The following ASIC2 variants were observed in gnomAD, a reference collection of about 807,000 sequenced individuals.
The protein encoded by ASIC2 is acid sensing ion channel subunit 2.
ASIC2 carries 25 observed loss-of-function variants against 57.3 expected under a neutral mutation model. The observed-to-expected ratio is 0.44, with a 90% CI of 0.32 to 0.61. ASIC2 has a LOEUF of 0.61. Among genes scored for constraint, ASIC2 ranks in the 20% least tolerant of loss-of-function variants. The probability of loss-of-function intolerance (pLI) is 0.06; values close to 1 mark genes in which losing one functional copy is unlikely to be tolerated. For synonymous variants in ASIC2, 319 were observed against 307.5 expected (o/e 1.04, Z -0.39); for missense variants, 641 against 738.1 (o/e 0.87, Z 1.52).
chr17:33,514,637 G>A (rs146226424), intron 1 of ASIC2, among the ~76,000 whole-genome samples: 163 of 152,214 alleles, frequency 1.1e-3, no homozygotes, highest in Non-Finnish European at 1.6e-3. Flanking sequence ...CAAGAATTAC[G>A]GATCTTTTTC....
intron 1 of ASIC2, among the ~76,000 whole-genome samples, chr17:33,568,745 G>A (rs1029315833): frequency 1.3e-5 from 2 of 152,272 alleles, no homozygotes; most frequent in Admixed American, 6.5e-5. Context: ...GGGAAGGAAT[G>A]TATTTCACCT....
Position 33,926,054 on chromosome 17 carries a change from T to A in ASIC2, c.555+229924A>T, listed in dbSNP as rs71379428. On this transcript the variant is annotated intron_variant, in intron 1 of 9. Transcript: ENST00000359872. ...AACATTAGTAGATCTCTTGCAGTGA[T>A]GTTTTGGGAGCCCCATAGACTATCA... Among the ~76,000 whole-genome samples, 729 of 152,358 alleles carry A rather than the reference T, an allele frequency of 4.8e-3. 7 individuals are homozygous for A. The highest frequency in any genetic ancestry group is 0.017 in the African/African-American group (687 of 41,580).
At chr17:33,443,873 T>C (rs896020850) in intron 1 of ASIC2, among the ~76,000 whole-genome samples, 2 of 152,206 alleles carry the variant, frequency 1.3e-5, no homozygotes, top group African/African-American at 2.4e-5. Flanking sequence ...TGCAGCTGCT[T>C]ATATCTCTGC....
chr17:33,113,936 C>T (rs990919167), intron 1 of ASIC2, among the ~76,000 whole-genome samples: 1 of 152,198 alleles, frequency 6.6e-6, no homozygotes, highest in Admixed American at 6.5e-5. Context: ...TGGGACACTT[C>T]CTAGCCACAT....
At chr17:33,436,850 CTT>C (rs1911628706) in intron 1 of ASIC2, among the ~76,000 whole-genome samples, 1 of 76,034 alleles carries the variant, frequency 1.3e-5, no homozygotes, top group African/African-American at 4.4e-5. Context: ...CACATTCCAA[CTT>C]CTTTTTTTTT....
intron 1 of ASIC2, among the ~76,000 whole-genome samples, chr17:33,990,927 C>G (rs548926590): frequency 6.6e-6 from 1 of 152,144 alleles, no homozygotes; most frequent in Admixed American, 6.5e-5. Flanking sequence ...CATTCAAAGA[C>G]AAGAAACTCT....
intron 1 of ASIC2, among the ~76,000 whole-genome samples, chr17:33,853,632 C>A (rs1913835726): frequency 6.6e-6 from 1 of 152,140 alleles, no homozygotes; most frequent in Admixed American, 6.5e-5. Context: ...CTGAGGCAAG[C>A]TGAAGGTTCA....
chr17:34,066,524 G>A (rs1218595045), intron 1 of ASIC2, among the ~76,000 whole-genome samples: 3 of 152,182 alleles, frequency 2.0e-5, no homozygotes, highest in Non-Finnish European at 4.4e-5. Context: ...TCATCACTGA[G>A]TGGAGTGCCA....
At chr17:33,389,564 A>G (rs1193780331) in intron 1 of ASIC2, among the ~76,000 whole-genome samples, 3 of 152,244 alleles carry the variant, frequency 2.0e-5, no homozygotes, top group East Asian at 3.8e-4. Flanking sequence ...TGAAAAAACT[A>G]TGAGGCTAGC....
intron 1 of ASIC2, among the ~76,000 whole-genome samples, chr17:33,163,194 G>T (rs899458493): frequency 6.6e-6 from 1 of 152,168 alleles, no homozygotes; most frequent in Non-Finnish European, 1.5e-5. Flanking sequence ...TGTTAGAAAG[G>T]GCTCTCCTAG....
At chr17:33,135,527 AG>A (rs1417309345) in intron 1 of ASIC2, among the ~76,000 whole-genome samples, 1 of 152,126 alleles carries the variant, frequency 6.6e-6, no homozygotes, top group Non-Finnish European at 1.5e-5. Context: ...CTGCCCTGTG[AG>A]GGCATGTAGC....
intron 1 of ASIC2, among the ~76,000 whole-genome samples, chr17:33,436,990 C>A (rs1030283801): frequency 1.3e-5 from 2 of 150,396 alleles, no homozygotes; most frequent in Non-Finnish European, 3.0e-5. Flanking sequence ...CTCAGCCTCC[C>A]GAGTAGCTGG....
chr17:33,840,420 T>C (rs985241726), intron 1 of ASIC2, among the ~76,000 whole-genome samples: 2 of 152,196 alleles, frequency 1.3e-5, no homozygotes, highest in Admixed American at 1.3e-4. Context: ...AAACAGCTTA[T>C]GCTAAGGCAT....
intron 1 of ASIC2, among the ~76,000 whole-genome samples, chr17:33,880,782 C>T (rs567535993): frequency 1.3e-5 from 2 of 152,112 alleles, no homozygotes; most frequent in African/African-American, 2.4e-5. Flanking sequence ...CATCCTGATA[C>T]CAAAGCCTGG....
chr17:34,019,461 C>G (rs1243682102), intron 1 of ASIC2, among the ~76,000 whole-genome samples: 1 of 152,122 alleles, frequency 6.6e-6, no homozygotes, highest in Non-Finnish European at 1.5e-5. Context: ...AAGAAATCAC[C>G]AAAGCCACTC....
chr17:33,095,081 C>T (rs116070871), intron 2 of ASIC2, among the ~76,000 whole-genome samples: 1,923 of 152,260 alleles, frequency 0.013, 35 homozygotes, highest in African/African-American at 0.044. Flanking sequence ...CTTAAATGAG[C>T]CATTGCATGG....
At chr17:33,266,507 T>A (rs541753320) in intron 1 of ASIC2, among the ~76,000 whole-genome samples, 11 of 152,056 alleles carry the variant, frequency 7.2e-5, no homozygotes, top group Admixed American at 5.9e-4. Flanking sequence ...GTAGAAAATC[T>A]TTTTTCTTCT....
intron 1 of ASIC2, among the ~76,000 whole-genome samples, chr17:33,323,973 G>A (rs1906968961): frequency 6.6e-6 from 1 of 151,782 alleles, no homozygotes; most frequent in African/African-American, 2.4e-5. Context: ...AATTCAGTGA[G>A]CAGTGTACTC....
At chr17:33,269,097 G>A (rs1396124789) in intron 1 of ASIC2, among the ~76,000 whole-genome samples, 2 of 152,206 alleles carry the variant, frequency 1.3e-5, no homozygotes, top group African/African-American at 4.8e-5. Flanking sequence ...TGCATTGTGA[G>A]GAGTGCCCTA....
Sources: allele counts gnomAD v4.1 joint callset (sites outside exome capture counted in the v4.1 genomes callset), GRCh38; gene constraint gnomAD v4.1.1; transcripts MANE v1.5; gene names NCBI Gene and HGNC (gene_info 2026-07-23, HGNC 2026-07-21).